FLI1: variants seen among roughly 807,000 people sequenced by gnomAD.
FLI1 encodes Friend leukemia integration 1 transcription factor.
FLI1 carries 13 observed loss-of-function variants against 53.1 expected under a neutral mutation model. That is an observed-to-expected ratio of 0.24 (90% confidence interval 0.16 to 0.39). The LOEUF is 0.39. Among genes scored for constraint, FLI1 ranks in the 10% least tolerant of loss-of-function variants. The probability of loss-of-function intolerance (pLI) is 1.00; values close to 1 mark genes in which losing one functional copy is unlikely to be tolerated. For missense variants in FLI1, 424 were observed against 600.5 expected (o/e 0.71, Z 3.07); for synonymous variants, 244 against 236.7 (o/e 1.03, Z -0.28).
At chr11:128,687,249 A>G (rs986837579) in intron 1 of FLI1, among the ~76,000 whole-genome samples, 1 of 150,638 alleles carries the variant, frequency 6.6e-6, no homozygotes, top group African/African-American at 2.4e-5. Context: ...TATATTTGAC[A>G]GCACATCGAA....
Position 128,735,348 on chromosome 11 carries a change from G to C in FLI1, c.19-22767G>C, listed in dbSNP as rs535874226. 2.0e-4 allele frequency among the ~76,000 whole-genome samples: 30 copies of C among 152,310 alleles called. 1 individual carries two copies. In the South Asian group the frequency reaches 6.2e-3, roughly 32 times the overall value. ...TCAACCAGCCTAGGACTTTGTTCTG[G>C]CACCTCAGTGTATATTTAAAGTCCT... On this transcript the variant is annotated intron_variant, in intron 1 of 8. Transcript: ENST00000527786.
At chr11:128,685,761 G>T (rs568445445), upstream of FLI1, among the ~76,000 whole-genome samples, 1 of 142,324 alleles carries the variant, frequency 7.0e-6, no homozygotes, top group Admixed American at 7.0e-5. Flanking sequence ...GGGGAGAAAA[G>T]TGCTTTATCA....
intron 4 of FLI1, among the ~76,000 whole-genome samples, chr11:128,779,102 G>A (rs1256553270): frequency 6.6e-6 from 1 of 152,238 alleles, no homozygotes; most frequent in Non-Finnish European, 1.5e-5. Context: ...GAGGTCAAAT[G>A]ACCCTTTCTC....
At chr11:128,702,649 G>A (rs1239941803) in intron 1 of FLI1, among the ~76,000 whole-genome samples, 3 of 152,196 alleles carry the variant, frequency 2.0e-5, no homozygotes, top group African/African-American at 7.2e-5. Flanking sequence ...ATCACCTGAG[G>A]TCAGGAGTTC....
chr11:128,782,148 G>A (rs1941935146), intron 5 of FLI1, 125 bp downstream of exon 5: 7 of 801,830 alleles, frequency 8.7e-6, no homozygotes, highest in Middle Eastern at 2.3e-4. Flanking sequence ...AGCATACAAA[G>A]ACAAGCCAAA....
intron 1 of FLI1, among the ~76,000 whole-genome samples, chr11:128,728,563 A>G (rs1939570767): frequency 6.6e-6 from 1 of 152,196 alleles, no homozygotes; most frequent in Non-Finnish European, 1.5e-5. Context: ...GGCAGGTTCT[A>G]TGCCTTCTCT....
At chr11:128,693,109 T>C (rs1269184892), upstream of FLI1, 1 of 152,660 alleles carries the variant, frequency 6.6e-6, no homozygotes, top group Non-Finnish European at 1.5e-5. Flanking sequence ...GGGCGACTCT[T>C]GCCTGGGAGT....
At chr11:128,776,524 G>A (rs185346947) in intron 4 of FLI1, among the ~76,000 whole-genome samples, 1 of 152,130 alleles carries the variant, frequency 6.6e-6, no homozygotes, top group Non-Finnish European at 1.5e-5. Context: ...GGTGGTGGGC[G>A]CCTGTAATCC....
upstream of FLI1, chr11:128,692,586 G>T (rs556779249): frequency 6.6e-6 from 1 of 152,214 alleles, no homozygotes; most frequent in Non-Finnish European, 1.5e-5. Context: ...GAGAGGGAGG[G>T]GGAGGGAGGG....
At chr11:128,719,953 C>T (rs758696122) in intron 1 of FLI1, among the ~76,000 whole-genome samples, 78 of 152,264 alleles carry the variant, frequency 5.1e-4, no homozygotes, top group Non-Finnish European at 7.8e-4. Context: ...TTACGTGCAT[C>T]GTTTAAGTTC....
intron 5 of FLI1, among the ~76,000 whole-genome samples, chr11:128,800,479 A>T (rs1433803088): frequency 6.6e-6 from 1 of 152,210 alleles, no homozygotes; most frequent in Non-Finnish European, 1.5e-5. Context: ...CAGCAGAGGC[A>T]TCAGAGCAGA....
intron 6 of FLI1, 179 bp from the exon 7 acceptor site, chr11:128,807,001 G>T: frequency 2.5e-6 from 1 of 397,960 alleles, no homozygotes; most frequent in Non-Finnish European, 4.4e-6. Context: ...TGAATCTCCA[G>T]CCTGGAGAAC....
intron 1 of FLI1, among the ~76,000 whole-genome samples, chr11:128,688,789 C>G (rs1328135516): frequency 6.6e-6 from 1 of 152,198 alleles, no homozygotes; most frequent in East Asian, 1.9e-4. Context: ...GAGACACTGA[C>G]ATGCAGTAGT....
intron 2 of FLI1, among the ~76,000 whole-genome samples, chr11:128,765,142 G>A (rs1298994066): frequency 1.3e-5 from 2 of 152,128 alleles, no homozygotes; most frequent in African/African-American, 4.8e-5. Context: ...GAGTGGCAGC[G>A]GCCACCCCAG....
intron 5 of FLI1, among the ~76,000 whole-genome samples, chr11:128,782,708 T>C (rs1353228665): frequency 6.6e-6 from 1 of 152,142 alleles, no homozygotes; most frequent in South Asian, 2.1e-4. Flanking sequence ...AAAAAAAATT[T>C]TAGCGATGTC....
upstream of FLI1, chr11:128,692,587 G>T (rs991555571): frequency 6.6e-6 from 1 of 152,248 alleles, no homozygotes; most frequent in Non-Finnish European, 1.5e-5. Flanking sequence ...AGAGGGAGGG[G>T]GAGGGAGGGA....
At chr11:128,719,078 G>A (rs1939139683) in intron 1 of FLI1, among the ~76,000 whole-genome samples, 1 of 152,188 alleles carries the variant, frequency 6.6e-6, no homozygotes, top group Non-Finnish European at 1.5e-5. Context: ...TGGAGGCAGA[G>A]TTGAACCCTG....
In FLI1 at chr11:128,764,064, T is replaced by C. The variant is rs566712808; in HGVS notation, c.231-4054T>C. 6.6e-5 allele frequency among the ~76,000 whole-genome samples: 10 copies of C among 152,316 alleles called. No homozygotes were observed. The South Asian group carries it at 2.1e-3, about 32-fold the overall frequency. On this transcript the variant is annotated intron_variant, in intron 2 of 8. Coordinates refer to ENST00000527786, the MANE Select transcript of FLI1 (RefSeq NM_002017.5). ...AGGCCTCACTTTGGCCACGTGAACA[T>C]CAGGTATCCTTTGACAGTGAGCCTG...
intron 4 of FLI1, among the ~76,000 whole-genome samples, chr11:128,776,580 G>T (rs1298005245): frequency 6.6e-6 from 1 of 152,204 alleles, no homozygotes; most frequent in Non-Finnish European, 1.5e-5. Flanking sequence ...GAATGCGGGA[G>T]GGGGAGGCTG....
Sources: allele counts gnomAD v4.1 joint callset (sites outside exome capture counted in the v4.1 genomes callset), GRCh38; gene constraint gnomAD v4.1.1; transcripts MANE v1.5; gene names NCBI Gene and HGNC (gene_info 2026-07-23, HGNC 2026-07-21).